UGP2: variants seen among roughly 807,000 people sequenced by gnomAD.
UGP2 encodes the protein UDP-glucose pyrophosphorylase 2.
In UGP2, 40 loss-of-function variants were observed where a neutral mutation model predicts 49.0. The observed-to-expected ratio is 0.82, with a 90% CI of 0.63 to 1.06. UGP2 has a LOEUF of 1.06. Ranked by LOEUF, UGP2 falls within the 50% of genes least tolerant of loss-of-function variation. The pLI, the probability that UGP2 is intolerant of heterozygous loss-of-function variation, is 0.00. For synonymous variants in UGP2, 225 were observed against 213.0 expected (o/e 1.06, Z -0.49); for missense variants, 460 against 603.5 (o/e 0.76, Z 2.49).
intron 1 of UGP2, chr2:63,855,341 C>A: frequency 2.5e-6 from 1 of 404,364 alleles, no homozygotes; most frequent in Non-Finnish European, 4.8e-6. Context: ...TTTACAAATA[C>A]ATTTTTAAAA....
In UGP2 at chr2:63,851,816, T is replaced by A. The variant is rs569943069; in HGVS notation, c.20-4490T>A. On this transcript the variant is annotated intron_variant, in intron 1 of 9. Coordinates refer to ENST00000337130, the MANE Select transcript of UGP2 (RefSeq NM_006759.4). ...GGATATGCAGGGTTGGTTAATTCAGTACAAAAGCTTATCAGACCTTCCTTC... is the reference window on the plus strand; with the variant it reads ...GGATATGCAGGGTTGGTTAATTCAGAACAAAAGCTTATCAGACCTTCCTTC... Among the ~76,000 whole-genome samples, 21 of 152,282 alleles carry A rather than the reference T, an allele frequency of 1.4e-4. No individual in the cohort carries two copies. The East Asian group carries it at 4.1e-3, about 29-fold the overall frequency.
Position 63,842,084 on chromosome 2 carries a change from T to C in UGP2, c.-102T>C. On this transcript the variant is annotated 5_prime_UTR_variant, in exon 1 of 10. Coordinates refer to ENST00000337130, the MANE Select transcript of UGP2 (RefSeq NM_006759.4). ...TAGTTAAATATAGGAGGAGAAAGAA[T>C]ACATCGGTTGTTAAAGCAGGAGAGG... is the stretch of plus-strand genomic sequence containing the variant. The C allele has an allele frequency of 1.4e-6, 2 of 1,396,090 alleles. No homozygotes were observed. Among genetic ancestry groups the C allele is most frequent in the Non-Finnish European group, 1.9e-6 (2 of 1,036,744 alleles). The allele number at this position is 1,396,090 out of a possible 1,614,324, so 86.5% of individuals were successfully genotyped here. A position where few individuals can be genotyped will look rare whatever the true frequency, so the allele number is the denominator to read the frequency against.
intron 5 of UGP2, among the ~76,000 whole-genome samples, 189 bp from the exon 6 acceptor site, chr2:63,885,400 T>A (rs1242865820): frequency 6.6e-6 from 1 of 152,178 alleles, no homozygotes; most frequent in East Asian, 1.9e-4. Flanking sequence ...TATCACCATC[T>A]GGAAAACAGA....
intron 1 of UGP2, among the ~76,000 whole-genome samples, chr2:63,849,301 A>G (rs1447044345): frequency 2.0e-5 from 3 of 152,198 alleles, no homozygotes; most frequent in Admixed American, 6.5e-5. Context: ...CTTGGCCACA[A>G]TGAAAATGTG....
intron 2 of UGP2, chr2:63,856,909 AT>A (rs1200789853): frequency 2.3e-6 from 1 of 433,792 alleles, no homozygotes; most frequent in Non-Finnish European, 4.6e-6. Flanking sequence ...TTATATTTCA[AT>A]TTATACTTAA....
chr2:63,856,725 C>T, intron 2 of UGP2: 2 of 488,238 alleles, frequency 4.1e-6, no homozygotes, highest in South Asian at 3.2e-5. Context: ...TGGAGAAATG[C>T]ATACCTGTGT....
At chr2:63,882,782 T>TA in intron 4 of UGP2, 131 bp downstream of exon 4, 1 of 1,044,220 alleles carries the variant, frequency 9.6e-7, no homozygotes, top group Non-Finnish European at 1.3e-6. Flanking sequence ...AATCTCTTTA[T>TA]TGGTGGAAAA....
At chr2:63,843,699 T>C (rs1489758337) in intron 1 of UGP2, among the ~76,000 whole-genome samples, 1 of 152,194 alleles carries the variant, frequency 6.6e-6, no homozygotes, top group Non-Finnish European at 1.5e-5. Context: ...ATCCACTTTT[T>C]TTAAAAAAAC....
intron 2 of UGP2, 24 bp downstream of exon 2, chr2:63,856,457 C>CGG: frequency 6.3e-7 from 1 of 1,598,036 alleles, no homozygotes; most frequent in Non-Finnish European, 8.5e-7. Context: ...TACAGTGTTC[C>CGG]ACCCCCCCGC....
chr2:63,875,418 G>C (rs895458145), intron 3 of UGP2, among the ~76,000 whole-genome samples: 2 of 152,174 alleles, frequency 1.3e-5, no homozygotes, highest in African/African-American at 4.8e-5. Flanking sequence ...CCAAGAACTG[G>C]GTTATCCTAT....
At chr2:63,868,870 A>G (rs1006774645) in intron 3 of UGP2, among the ~76,000 whole-genome samples, 13 of 152,046 alleles carry the variant, frequency 8.6e-5, no homozygotes, top group Admixed American at 8.5e-4. Flanking sequence ...GCTACTTGGG[A>G]GGCTGAGGCA....
intron 3 of UGP2, among the ~76,000 whole-genome samples, chr2:63,859,469 A>G (rs1445745765): frequency 6.6e-6 from 1 of 152,076 alleles, no homozygotes; most frequent in African/African-American, 2.4e-5. Context: ...TATCTTTTGT[A>G]CTTTGAGAGA....
chr2:63,877,006 G>A (rs1046791770), intron 3 of UGP2, among the ~76,000 whole-genome samples: 1 of 152,204 alleles, frequency 6.6e-6, no homozygotes, highest in Non-Finnish European at 1.5e-5. Flanking sequence ...ATCAATATGA[G>A]GCTGAGAATC....
At chr2:63,861,586 G>C (rs1669849531) in intron 3 of UGP2, among the ~76,000 whole-genome samples, 1 of 150,836 alleles carries the variant, frequency 6.6e-6, no homozygotes, top group Non-Finnish European at 1.5e-5. Flanking sequence ...TACTTGGAAG[G>C]CTGAGGTAGG....
intron 3 of UGP2, chr2:63,863,076 G>C (rs958863014): frequency 1.5e-5 from 4 of 269,768 alleles, no homozygotes; most frequent in Non-Finnish European, 2.9e-5. Context: ...GTTCCACAAG[G>C]TTGACTAATT....
Position 63,887,664 on chromosome 2 carries a change from T to G in UGP2, c.1314+20T>G, listed in dbSNP as rs766775029. ...ACGAAGGTACGTAACTATAAAGATA[T>G]GTGAGTTCATATTTCTTAAATGTGT... On this transcript the variant is annotated intron_variant, in intron 8 of 9. Coordinates refer to ENST00000337130, the MANE Select transcript of UGP2 (RefSeq NM_006759.4). The G allele has an allele frequency of 1.2e-6, 2 of 1,609,938 alleles. No homozygotes were observed. The highest frequency in any genetic ancestry group is 1.7e-6 in the Non-Finnish European group (2 of 1,178,000).
intron 3 of UGP2, among the ~76,000 whole-genome samples, chr2:63,864,235 T>A (rs1253246599): frequency 6.6e-6 from 1 of 152,146 alleles, no homozygotes; most frequent in Non-Finnish European, 1.5e-5. Flanking sequence ...GTTATGTCAT[T>A]TTACAAAAGA....
At chr2:63,869,246 G>A (rs993367843) in intron 3 of UGP2, among the ~76,000 whole-genome samples, 6 of 152,150 alleles carry the variant, frequency 3.9e-5, no homozygotes, top group African/African-American at 1.2e-4. Flanking sequence ...TAGAGAAGGC[G>A]TCTCTAAGTT....
chr2:63,881,697 T>C (rs141625412), intron 3 of UGP2, among the ~76,000 whole-genome samples: 27 of 152,356 alleles, frequency 1.8e-4, no homozygotes, highest in East Asian at 1.5e-3. Context: ...GGAGAAGTTA[T>C]AGATTAAGGC....
Sources: allele counts gnomAD v4.1 joint callset (sites outside exome capture counted in the v4.1 genomes callset), GRCh38; gene constraint gnomAD v4.1.1; transcripts MANE v1.5; gene names NCBI Gene and HGNC (gene_info 2026-07-23, HGNC 2026-07-21).